Variants in KDM1B observed in about 807,000 individuals in gnomAD.
The protein encoded by KDM1B is lysine-specific histone demethylase 2.
A neutral mutation model predicts 107.4 loss-of-function variants in KDM1B; 63 were observed. The ratio of observed to expected loss-of-function variants is 0.59; its 90% CI spans 0.48 to 0.72. The LOEUF (loss-of-function observed/expected upper bound fraction) is 0.72. Ranked by LOEUF, KDM1B falls within the 30% of genes least tolerant of loss-of-function variation. KDM1B has a pLI of 0.00. For synonymous variants in KDM1B, 363 were observed against 363.9 expected, an observed-to-expected ratio of 1.00 and a Z score of 0.03; for missense variants, 749 against 1,020.8, an observed-to-expected ratio of 0.73 and a Z score of 3.63.
chr6:18,156,831 C>A (rs1324428), intron 2 of KDM1B, among the ~76,000 whole-genome samples: 85,799 of 151,666 alleles, frequency 0.57, 24,463 homozygotes, highest in African/African-American at 0.64. Flanking sequence ...GCAGAAGAAT[C>A]GCTTGAACCC....
chr6:18,197,771 A>C lies in KDM1B; in HGVS notation c.1221+110A>C. 1.5e-6 allele frequency: 1 copy of C among 675,962 alleles called. No homozygotes were observed. The highest frequency in any genetic ancestry group is 3.2e-5 in the Admixed American group (1 of 31,724). The allele number at this position is 675,962 out of a possible 1,614,324, so 41.9% of individuals were successfully genotyped here. A position where few individuals can be genotyped will look rare whatever the true frequency, so the allele number is the denominator to read the frequency against. On this transcript the variant is annotated intron_variant, in intron 12 of 21. Transcript: ENST00000650836. The surrounding 1 kb of genome is among the most constrained non-coding windows in gnomAD (Gnocchi z 4.5). Reference sequence around the variant, plus strand: ...ATTTTTAGTGAAGAATACTAAATACATTATATGTTTATATTAGGTCCTAGA... The same window carrying C: ...ATTTTTAGTGAAGAATACTAAATACCTTATATGTTTATATTAGGTCCTAGA...
chr6:18,201,412 G>A lies in KDM1B; in HGVS notation c.1360-74G>A. ...CATTTTCTCCATGAGAGCTCTGTCTGATTTTCAGCTTAGAACCTGTAAATA... is the reference window on the plus strand; with the variant it reads ...CATTTTCTCCATGAGAGCTCTGTCTAATTTTCAGCTTAGAACCTGTAAATA... On this transcript the variant is annotated intron_variant, in intron 13 of 21. Coordinates refer to ENST00000650836, the MANE Select transcript of KDM1B (RefSeq NM_001364614.2). This position sits in a 1 kb window ranked among gnomAD's most constrained non-coding sequence, Gnocchi z 4.3. The A allele has an allele frequency of 9.0e-7, 1 of 1,111,458 alleles. No individual in the cohort carries two copies. The allele number at this position is 1,111,458 out of a possible 1,614,324, so 68.8% of individuals were successfully genotyped here. A position where few individuals can be genotyped will look rare whatever the true frequency, so the allele number is the denominator to read the frequency against.
At position 18,214,544 on chromosome 6, in the gene KDM1B, T is replaced by C. The variant is rs1051223927; in HGVS notation, c.2110-463T>C. On this transcript the variant is annotated intron_variant, in intron 19 of 21. Transcript: ENST00000650836. The surrounding 1 kb of genome is among the most constrained non-coding windows in gnomAD (Gnocchi z 4.4). The stretch of plus-strand genomic sequence containing the variant: ...AGTGGATGGATGAATAATGAGTGTT[T>C]GCGAGGAAAATGGACTGGCGAGTGA... Among the ~76,000 whole-genome samples, 1 of 152,176 alleles carries C rather than the reference T, an allele frequency of 6.6e-6. No individual in the cohort carries two copies. The highest frequency in any genetic ancestry group is 2.4e-5 in the African/African-American group (1 of 41,436).
chr6:18,198,994 C>A (rs1173548247), intron 12 of KDM1B, among the ~76,000 whole-genome samples: 27 of 126,920 alleles, frequency 2.1e-4, no homozygotes, highest in Admixed American at 8.9e-4. Context: ...CATGGCAAAA[C>A]CCTGTCTCTA....
At chr6:18,185,403 G>C (rs933560495) in intron 7 of KDM1B, among the ~76,000 whole-genome samples, 1 of 151,948 alleles carries the variant, frequency 6.6e-6, no homozygotes, top group Non-Finnish European at 1.5e-5. Context: ...CCGGGTCCCA[G>C]TGATTCTCCT....
In KDM1B at chr6:18,214,692, C is replaced by G. The variant is rs200618630; in HGVS notation, c.2110-315C>G. ...TGGGAGGCCGAGGTGGGTGGATCAC[C>G]TGAGGTCAGGAGTTTGAGACCAGTC... On this transcript the variant is annotated intron_variant, in intron 19 of 21. Transcript: ENST00000650836. This position sits in a 1 kb window ranked among gnomAD's most constrained non-coding sequence, Gnocchi z 4.4. Among the ~76,000 whole-genome samples, 3 of 152,024 alleles carry G rather than the reference C, an allele frequency of 2.0e-5. No homozygotes were observed. The highest frequency in any genetic ancestry group is 6.6e-5 in the Admixed American group (1 of 15,250).
chr6:18,207,987 T>C (rs1380902066), intron 16 of KDM1B, 145 bp from the exon 17 acceptor site: 4 of 683,974 alleles, frequency 5.8e-6, no homozygotes, highest in Non-Finnish European at 5.2e-6. Context: ...TCAGTTCAGC[T>C]ATAACAATTG....
chr6:18,165,821 C>A (rs1009019620), intron 5 of KDM1B, among the ~76,000 whole-genome samples: 3 of 152,154 alleles, frequency 2.0e-5, no homozygotes, highest in South Asian at 2.1e-4. Flanking sequence ...GACTCCATCT[C>A]AAAAGAAATT....
At chr6:18,193,943 A>G (rs908285645) in intron 10 of KDM1B, among the ~76,000 whole-genome samples, 2 of 151,452 alleles carry the variant, frequency 1.3e-5, no homozygotes, top group African/African-American at 4.9e-5. Flanking sequence ...ATGCGATCTC[A>G]GCTCACCGCA....
chr6:18,216,649 A>G (rs760476481), intron 20 of KDM1B, among the ~76,000 whole-genome samples: 2 of 152,188 alleles, frequency 1.3e-5, no homozygotes, highest in Non-Finnish European at 2.9e-5. Flanking sequence ...ATAGATTCAT[A>G]AGTTTTCAGT....
At chr6:18,199,693 G>A (rs946783225) in intron 12 of KDM1B, among the ~76,000 whole-genome samples, 2 of 145,696 alleles carry the variant, frequency 1.4e-5, no homozygotes, top group African/African-American at 5.5e-5. Context: ...TATATGGAGT[G>A]GCATACTTTT....
chr6:18,210,328 T>G (rs1788734634), intron 17 of KDM1B, among the ~76,000 whole-genome samples: 1 of 127,976 alleles, frequency 7.8e-6, no homozygotes, highest in Non-Finnish European at 1.7e-5. Context: ...CTTTCTTTTT[T>G]TTCTCTTTCT....
At position 18,185,784 on chromosome 6, in the gene KDM1B, G is replaced by A. The variant is rs757772885; in HGVS notation, c.547G>A (p.Asp183Asn). Residue 183 changes from aspartate (D) to asparagine (N), a missense_variant, in exon 8 of 22, where the codon GAT (aspartate) becomes AAT (asparagine). By Grantham distance (23) the Asp-to-Asn change is conservative. Coordinates refer to ENST00000650836, the MANE Select transcript of KDM1B (RefSeq NM_001364614.2). Reference sequence around the variant, plus strand: ...TTTTCTTTTGTAGCCTGAGACCTCAGATCATTGTTCCCTCCCAGAGGATCT... The same window carrying A: ...TTTTCTTTTGTAGCCTGAGACCTCAAATCATTGTTCCCTCCCAGAGGATCT... ...PNTAIKPETS[D>N]HCSLPEDLRV... The A allele has an allele frequency of 6.2e-6, 10 of 1,613,918 alleles. No individual in the cohort carries two copies. Among genetic ancestry groups the A allele is most frequent in the Middle Eastern group, 3.3e-4 (2 of 6,084 alleles).
chr6:18,171,055 C>G (rs1021561951), intron 6 of KDM1B, among the ~76,000 whole-genome samples: 1 of 151,774 alleles, frequency 6.6e-6, no homozygotes, highest in South Asian at 2.1e-4. Context: ...TTCCTGACCT[C>G]GTGATCCGCC....
At chr6:18,170,626 A>G (rs893114142) in intron 6 of KDM1B, among the ~76,000 whole-genome samples, 1 of 149,992 alleles carries the variant, frequency 6.7e-6, no homozygotes, top group Non-Finnish European at 1.5e-5. Context: ...GACTACAGGC[A>G]TGCACCACCG....
In KDM1B at chr6:18,201,282, C is replaced by T. The variant is rs1788013588; in HGVS notation, c.1360-204C>T. On this transcript the variant is annotated intron_variant, in intron 13 of 21. Coordinates refer to ENST00000650836, the MANE Select transcript of KDM1B (RefSeq NM_001364614.2). The surrounding 1 kb of genome is among the most constrained non-coding windows in gnomAD (Gnocchi z 4.3). ...GCTGTTGCTGCCCCTCTCACATTCT[C>T]ATCAAATAAAATCTTGTAGATTTCA... Among the ~76,000 whole-genome samples, 2 of 152,158 alleles carry T rather than the reference C, an allele frequency of 1.3e-5. No homozygotes were observed. Among genetic ancestry groups the T allele is most frequent in the Non-Finnish European group, 2.9e-5 (2 of 68,038 alleles).
chr6:18,185,644 T>C, intron 7 of KDM1B, 128 bp from the exon 8 acceptor site: 3 of 833,660 alleles, frequency 3.6e-6, no homozygotes, highest in Admixed American at 1.8e-5. Context: ...GATTTATACA[T>C]TGTTTCATAA....
At chr6:18,193,221 T>C (rs1451822656) in intron 10 of KDM1B, among the ~76,000 whole-genome samples, 1 of 149,304 alleles carries the variant, frequency 6.7e-6, no homozygotes, top group Non-Finnish European at 1.5e-5. Flanking sequence ...AAAAAGAATT[T>C]ATATACTTAA....
At chr6:18,181,321 T>C (rs1439937815) in intron 7 of KDM1B, among the ~76,000 whole-genome samples, 2 of 152,160 alleles carry the variant, frequency 1.3e-5, no homozygotes, top group East Asian at 3.9e-4. Flanking sequence ...ACTTTTTTTT[T>C]CTAAGTTGGT....
Sources: allele counts gnomAD v4.1 joint callset (sites outside exome capture counted in the v4.1 genomes callset), GRCh38; gene constraint gnomAD v4.1.1; non-coding constraint Gnocchi (gnomAD v3.1); transcripts MANE v1.5; gene names NCBI Gene and HGNC (gene_info 2026-07-23, HGNC 2026-07-21).